Variants in COPS3 observed in about 807,000 individuals in gnomAD.
COPS3 encodes COP9 signalosome subunit 3, also known as COP9 signalosome complex subunit 3.
COPS3 carries 10 observed loss-of-function variants against 58.2 expected under a neutral mutation model. The observed-to-expected ratio is 0.17, with a 90% CI of 0.11 to 0.29. COPS3 has a LOEUF of 0.29. COPS3 is among the 10% of genes least tolerant of loss of function. COPS3 has a pLI of 1.00. For synonymous variants in COPS3, 187 were observed against 181.7 expected (o/e 1.03, Z -0.24); for missense variants, 333 against 510.1 (o/e 0.65, Z 3.34).
At chr17:17,281,079 C>T in intron 1 of COPS3, 53 bp downstream of exon 1, 1 of 1,574,166 alleles carries the variant, frequency 6.4e-7, no homozygotes, top group Non-Finnish European at 8.7e-7. Flanking sequence ...CCTGGGGATC[C>T]AGGCCAGTTC....
intron 8 of COPS3, among the ~76,000 whole-genome samples, chr17:17,256,283 C>A (rs1431712974): frequency 4.0e-5 from 6 of 151,888 alleles, no homozygotes; most frequent in Admixed American, 3.9e-4. Flanking sequence ...GAAAAGGAAT[C>A]CAAGGTATGC....
chr17:17,259,358 A>G (rs745320198), intron 8 of COPS3, among the ~76,000 whole-genome samples: 2 of 152,144 alleles, frequency 1.3e-5, no homozygotes, highest in African/African-American at 2.4e-5. Context: ...CCTTCCTAAA[A>G]CACAAAAAAT....
intron 1 of COPS3, 165 bp from the exon 2 acceptor site, chr17:17,276,329 T>C (rs2048460649): frequency 1.3e-6 from 1 of 795,076 alleles, no homozygotes; most frequent in African/African-American, 1.7e-5. Flanking sequence ...TGAAACAACC[T>C]GTCCGTGGTC....
Position 17,280,905 on chromosome 17 carries a change from G to A in COPS3, c.55+227C>T, listed in dbSNP as rs185512803. 6 of 932,972 alleles carry A rather than the reference G, an allele frequency of 6.4e-6. No homozygotes were observed. The Admixed American group carries it at 1.3e-4, about 19-fold the overall frequency. The allele number at this position is 932,972 out of a possible 1,614,324, so 57.8% of individuals were successfully genotyped here. A position where few individuals can be genotyped will look rare whatever the true frequency, so the allele number is the denominator to read the frequency against. On this transcript the variant is annotated intron_variant, in intron 1 of 11. Coordinates refer to ENST00000268717, the MANE Select transcript of COPS3 (RefSeq NM_003653.4). ...GGCCGGGGGGAGGGGGCTCCCGGCG[G>A]CCCGAGGGAGGGGAGGCCGGCCGGC... is the stretch of plus-strand genomic sequence containing the variant.
chr17:17,253,232 T>G (rs1486799080), intron 9 of COPS3, among the ~76,000 whole-genome samples: 1 of 151,722 alleles, frequency 6.6e-6, no homozygotes, highest in South Asian at 2.1e-4. Context: ...TCTCAATCAA[T>G]CAATCAATCA....
intron 6 of COPS3, among the ~76,000 whole-genome samples, chr17:17,262,947 G>A (rs2048135144): frequency 6.6e-6 from 1 of 150,930 alleles, no homozygotes; most frequent in Non-Finnish European, 1.5e-5. Context: ...CCAGGCTGGA[G>A]TGCAGTGGCG....
chr17:17,266,665 G>A (rs1187188397), intron 5 of COPS3, among the ~76,000 whole-genome samples: 1 of 151,912 alleles, frequency 6.6e-6, no homozygotes, highest in Non-Finnish European at 1.5e-5. Context: ...CGGGTGTAGT[G>A]GTGCACGTCC....
intron 9 of COPS3, among the ~76,000 whole-genome samples, chr17:17,249,953 T>G (rs2047805729): frequency 6.6e-6 from 1 of 152,078 alleles, no homozygotes; most frequent in Non-Finnish European, 1.5e-5. Context: ...AGCAATTAAT[T>G]GGCATTTAAT....
At chr17:17,269,210 T>C (rs1188231080) in intron 4 of COPS3, among the ~76,000 whole-genome samples, 1 of 151,970 alleles carries the variant, frequency 6.6e-6, no homozygotes, top group East Asian at 1.9e-4. Flanking sequence ...GGATCGCCTG[T>C]GGTCAGGAGT....
chr17:17,268,157 G>T (rs2048268651), intron 4 of COPS3, 180 bp from the exon 5 acceptor site: 2 of 871,856 alleles, frequency 2.3e-6, no homozygotes, highest in East Asian at 3.2e-5. Context: ...CTTTTCTTAA[G>T]CTGTTTCTTG....
chr17:17,247,735 A>C (rs1466891798), intron 10 of COPS3, 175 bp from the exon 11 acceptor site: 1 of 559,926 alleles, frequency 1.8e-6, no homozygotes, highest in East Asian at 2.8e-5. Context: ...TAATACATCT[A>C]TCATATAATA....
At position 17,276,156 on chromosome 17, in the gene COPS3, T is replaced by C; in HGVS notation, c.64A>G (p.Thr22Ala). The change falls in exon 2 of 12, where the codon ACA (threonine) becomes GCA (alanine). Residue 22 changes from threonine to alanine, a missense_variant. Coordinates refer to ENST00000268717, the MANE Select transcript of COPS3 (RefSeq NM_003653.4). ...VRQLSAQGQM[T>A]QLCELINKSG... ...TTGTTGATCAGTTCACAAAGCTGTG[T>C]CATTTGCCCTGGAAAACAGGAACAA... 6.2e-7 allele frequency: 1 copy of C among 1,613,902 alleles called. No homozygotes were observed. The highest frequency in any genetic ancestry group is 8.5e-7 in the Non-Finnish European group (1 of 1,179,834).
chr17:17,272,481 A>T (rs1253097465), intron 2 of COPS3, among the ~76,000 whole-genome samples: 1 of 152,166 alleles, frequency 6.6e-6, no homozygotes, highest in Non-Finnish European at 1.5e-5. Context: ...AAAAATGGCC[A>T]TCTCAATTGT....
At chr17:17,262,142 A>G (rs200154204) in intron 6 of COPS3, 36 bp from the exon 7 acceptor site, 11 of 1,579,458 alleles carry the variant, frequency 7.0e-6, no homozygotes, top group South Asian at 1.2e-5. Flanking sequence ...TAAAGAGAAC[A>G]TACCACAGTA....
intron 9 of COPS3, among the ~76,000 whole-genome samples, chr17:17,250,781 C>CA (rs1453761206): frequency 6.6e-6 from 1 of 152,210 alleles, no homozygotes; most frequent in Non-Finnish European, 1.5e-5. Context: ...GCCTACTTGT[C>CA]TCTAGCTTTG....
chr17:17,273,849 C>T (rs973081927), intron 2 of COPS3, among the ~76,000 whole-genome samples: 2 of 152,014 alleles, frequency 1.3e-5, no homozygotes, highest in Non-Finnish European at 2.9e-5. Flanking sequence ...AAGACCTTGT[C>T]CCCCCAAAAG....
rs771287385 is a variant in COPS3 at position 17,256,013 on chromosome 17, C to CAAA, written c.937-1071_937-1069dup. On this transcript the variant is annotated intron_variant, in intron 8 of 11. Coordinates refer to ENST00000268717, the MANE Select transcript of COPS3 (RefSeq NM_003653.4). ...TGAAACCCTGTCTCTACTAAAAATA[C>CAAA]AAAAAAAAAAAAAAAATTAGCCGGG... Among the ~76,000 whole-genome samples, 69 of 112,898 alleles carry CAAA rather than the reference C, an allele frequency of 6.1e-4. 1 individual carries two copies. The highest frequency in any genetic ancestry group is 2.1e-3 in the African/African-American group (66 of 30,806). The allele number at this position is 112,898 out of a possible 152,430, so 74.1% of individuals were successfully genotyped here.
chr17:17,280,256 C>A (rs1032877263), intron 1 of COPS3, among the ~76,000 whole-genome samples: 1 of 152,234 alleles, frequency 6.6e-6, no homozygotes, highest in East Asian at 1.9e-4. Context: ...ACTAAAAATA[C>A]AAAAATTAGC....
intron 2 of COPS3, among the ~76,000 whole-genome samples, chr17:17,275,012 G>A (rs2145256979): frequency 1.3e-5 from 2 of 151,972 alleles, no homozygotes; most frequent in South Asian, 4.2e-4. Flanking sequence ...TTTAACTTAA[G>A]CTGCTGCCCA....
Sources: allele counts gnomAD v4.1 joint callset (sites outside exome capture counted in the v4.1 genomes callset), GRCh38; gene constraint gnomAD v4.1.1; transcripts MANE v1.5; gene names NCBI Gene and HGNC (gene_info 2026-07-23, HGNC 2026-07-21).